TRAP1: variants seen among roughly 807,000 people sequenced by gnomAD.
The protein encoded by TRAP1 is heat shock protein 75 kDa, mitochondrial.
Under a neutral mutation model 89.1 loss-of-function variants are expected in TRAP1, and 102 were observed. The observed-to-expected ratio is 1.15, with a 90% CI of 0.98 to 1.35. The LOEUF (loss-of-function observed/expected upper bound fraction) is 1.35, where lower values mean the gene tolerates loss of function less well. Ranked by LOEUF, TRAP1 falls within the 40% of genes most tolerant of loss-of-function variation. TRAP1 has a pLI of 0.00. For synonymous variants in TRAP1, 508 were observed against 388.0 expected, an observed-to-expected ratio of 1.31 and a Z score of -3.64; for missense variants, 1,256 against 945.3, an observed-to-expected ratio of 1.33 and a Z score of -4.31.
At chr16:3,682,754 A>AG (rs1835090902) in intron 4 of TRAP1, among the ~76,000 whole-genome samples, 1 of 149,098 alleles carries the variant, frequency 6.7e-6, no homozygotes, top group South Asian at 2.1e-4. Flanking sequence ...CCCTAGCTAC[A>AG]GGGGGCTGAT....
At chr16:3,665,729 A>C (rs1019535005) in intron 12 of TRAP1, among the ~76,000 whole-genome samples, 10 of 152,210 alleles carry the variant, frequency 6.6e-5, no homozygotes, top group African/African-American at 2.4e-4. Context: ...GCACCTTCAC[A>C]CAGCAGTGAG....
At chr16:3,667,729 T>C (rs2050855160) in intron 11 of TRAP1, among the ~76,000 whole-genome samples, 1 of 151,308 alleles carries the variant, frequency 6.6e-6, no homozygotes, top group Non-Finnish European at 1.5e-5. Context: ...TATAAATAAA[T>C]TATAAATAGT....
chr16:3,675,528 G>C (rs2050978309), intron 7 of TRAP1, 131 bp from the exon 8 acceptor site: 2 of 810,744 alleles, frequency 2.5e-6, no homozygotes, highest in Non-Finnish European at 4.0e-6. Flanking sequence ...CACAGGTACA[G>C]AAACAGGGCA....
At chr16:3,709,664 G>C (rs1425536303) in intron 1 of TRAP1, among the ~76,000 whole-genome samples, 1 of 152,004 alleles carries the variant, frequency 6.6e-6, no homozygotes, top group Admixed American at 6.6e-5. Flanking sequence ...TTGTGTGTGT[G>C]TGTGAGACGG....
At chr16:3,710,879 A>ATATATT (rs71133652) in intron 1 of TRAP1, among the ~76,000 whole-genome samples, 1 of 125,834 alleles carries the variant, frequency 7.9e-6, no homozygotes, top group African/African-American at 3.3e-5. Context: ...ATATATATAT[A>ATATATT]TTTTTTTTTT....
At chr16:3,666,355 C>G (rs551814077) in intron 11 of TRAP1, among the ~76,000 whole-genome samples, 2 of 119,430 alleles carry the variant, frequency 1.7e-5, no homozygotes, top group South Asian at 5.1e-4. Flanking sequence ...AGAACCGATG[C>G]CCCCAGAGAC....
Position 3,679,601 on chromosome 16 carries a change from C to A in TRAP1, c.543+118G>T, listed in dbSNP as rs570304119. ...TCATGAGGTGTTCCCACAGTACCCA[C>A]TGCGTGGCATGCAACTGACAACGTT... On this transcript the variant is annotated intron_variant, in intron 5 of 17. Transcript: ENST00000246957. 5 of 1,000,472 alleles carry A rather than the reference C, an allele frequency of 5.0e-6. No individual in the cohort carries two copies. The African/African-American group carries it at 7.9e-5, about 16-fold the overall frequency. The allele number at this position is 1,000,472 out of a possible 1,614,324, so 62.0% of individuals were successfully genotyped here. A position where few individuals can be genotyped will look rare whatever the true frequency, so the allele number is the denominator to read the frequency against.
At chr16:3,710,251 C>T (rs1337740847) in intron 1 of TRAP1, 1 of 152,204 alleles carries the variant, frequency 6.6e-6, no homozygotes, top group South Asian at 2.1e-4. Flanking sequence ...CATATGAAAT[C>T]CATCTCATTC....
At chr16:3,675,091 G>C (rs2050970762) in intron 8 of TRAP1, among the ~76,000 whole-genome samples, 1 of 152,182 alleles carries the variant, frequency 6.6e-6, no homozygotes, top group Non-Finnish European at 1.5e-5. Context: ...AGCTGGGATG[G>C]GCGTTACGCC....
chr16:3,684,722 G>A (rs1347951864), intron 4 of TRAP1, among the ~76,000 whole-genome samples: 5 of 152,038 alleles, frequency 3.3e-5, no homozygotes, highest in African/African-American at 1.2e-4. Flanking sequence ...CCTGGGAGGC[G>A]GAGGCTGCAG....
chr16:3,674,120 T>C (rs1343067731), intron 9 of TRAP1, among the ~76,000 whole-genome samples: 1 of 152,090 alleles, frequency 6.6e-6, no homozygotes, highest in East Asian at 1.9e-4. Flanking sequence ...GGGGTCTCAC[T>C]ATGTTGGCCA....
intron 4 of TRAP1, among the ~76,000 whole-genome samples, chr16:3,684,421 T>C (rs934427998): frequency 1.3e-5 from 2 of 152,206 alleles, no homozygotes. Flanking sequence ...AATGGCATAA[T>C]ACCTCTGAGA....
chr16:3,697,907 G>A (rs891690045), intron 1 of TRAP1, among the ~76,000 whole-genome samples: 3 of 151,242 alleles, frequency 2.0e-5, no homozygotes, highest in Non-Finnish European at 4.4e-5. Flanking sequence ...TCCTGCCTCA[G>A]CCTCCCAAGT....
At chr16:3,687,891 A>G (rs949531438) in intron 3 of TRAP1, among the ~76,000 whole-genome samples, 12 of 150,218 alleles carry the variant, frequency 8.0e-5, no homozygotes, top group African/African-American at 2.2e-4. Flanking sequence ...AAACCCACAC[A>G]ATTAAAAATA....
chr16:3,696,497 G>A (rs544257758), intron 1 of TRAP1, among the ~76,000 whole-genome samples: 3 of 152,230 alleles, frequency 2.0e-5, no homozygotes, highest in African/African-American at 4.8e-5. Context: ...ATAAACACAA[G>A]GAATGGCAGA....
chr16:3,688,482 T>G (rs2151267940), intron 3 of TRAP1, among the ~76,000 whole-genome samples: 1 of 152,056 alleles, frequency 6.6e-6, no homozygotes, highest in African/African-American at 2.4e-5. Flanking sequence ...ACGCTAGGAT[T>G]TGGGGGACTT....
At position 3,663,422 on chromosome 16, in the gene TRAP1, AC is replaced by A; in HGVS notation, c.1708+1del. On this transcript the variant is annotated splice_donor_variant, in intron 14 of 17. Transcript: ENST00000246957. LOFTEE classifies it high-confidence loss of function. The stretch of plus-strand genomic sequence containing the variant: ...CACGCCTAGAGAGCAGGGGATGCCG[AC>A]CTGGGGACCTGTCCTCAAACTTCTC... The A allele has an allele frequency of 6.2e-7, 1 of 1,613,996 alleles. No homozygotes were observed. The highest frequency in any genetic ancestry group is 1.7e-5 in the Admixed American group (1 of 60,020).
chr16:3,686,674 T>C (rs2051142810), intron 3 of TRAP1, among the ~76,000 whole-genome samples: 1 of 152,156 alleles, frequency 6.6e-6, no homozygotes, highest in African/African-American at 2.4e-5. Flanking sequence ...ATTATAACTT[T>C]AAGAAGAGCC....
At chr16:3,717,382 C>A in intron 1 of TRAP1, 39 bp downstream of exon 1, 1 of 906,344 alleles carries the variant, frequency 1.1e-6, no homozygotes, top group Non-Finnish European at 1.4e-6. Context: ...TCTCCGTGGC[C>A]CGGCCCGCCC....
Sources: gnomAD v4.1 joint callset for allele counts (sites outside exome capture counted in the v4.1 genomes callset) on GRCh38, gnomAD v4.1.1 for gene constraint, MANE v1.5 for transcripts, NCBI Gene and HGNC (gene_info 2026-07-23, HGNC 2026-07-21) for gene names.